Variants in RFX4 observed in about 807,000 individuals in gnomAD.
RFX4 encodes the protein regulatory factor X4.
A neutral mutation model predicts 95.0 loss-of-function variants in RFX4; 10 were observed. The observed-to-expected ratio is 0.11, with a 90% CI of 0.06 to 0.18. The LOEUF (loss-of-function observed/expected upper bound fraction) is 0.18, where lower values mean the gene tolerates loss of function less well. Among genes scored for constraint, RFX4 ranks in the 10% least tolerant of loss-of-function variants. RFX4 has a pLI of 1.00. For synonymous variants in RFX4, 321 were observed against 340.7 expected, an observed-to-expected ratio of 0.94 and a Z score of 0.64; for missense variants, 640 against 922.0, an observed-to-expected ratio of 0.69 and a Z score of 3.96.
At chr12:106,632,932 A>G (rs2040444776) in intron 2 of RFX4, among the ~76,000 whole-genome samples, 1 of 152,234 alleles carries the variant, frequency 6.6e-6, no homozygotes, top group Admixed American at 6.5e-5. Context: ...CTGATAATTT[A>G]TGGCCTCAAG....
At chr12:106,600,247 A>T (rs1467167589) in intron 1 of RFX4, among the ~76,000 whole-genome samples, 1 of 152,166 alleles carries the variant, frequency 6.6e-6, no homozygotes, top group African/African-American at 2.4e-5. Context: ...TGCTTCAAGA[A>T]CTTCGCACAT....
chr12:106,620,927 C>T (rs1343395052), intron 2 of RFX4, among the ~76,000 whole-genome samples: 4 of 152,148 alleles, frequency 2.6e-5, no homozygotes, highest in African/African-American at 9.7e-5. Flanking sequence ...ACTTGCACGT[C>T]CATTTATAGG....
intron 3 of RFX4, chr12:106,646,034 T>C: frequency 9.9e-7 from 1 of 1,007,850 alleles, no homozygotes; most frequent in African/African-American, 1.7e-5. Flanking sequence ...AAAAGTATTT[T>C]GTGCTGTGGG....
At chr12:106,598,128 A>G (rs2039647628) in intron 1 of RFX4, among the ~76,000 whole-genome samples, 1 of 152,322 alleles carries the variant, frequency 6.6e-6, no homozygotes, top group South Asian at 2.1e-4. Context: ...TCATTGCGCT[A>G]GTAAGTATTA....
chr12:106,654,727 T>A (rs2040922140), intron 4 of RFX4, among the ~76,000 whole-genome samples: 1 of 152,188 alleles, frequency 6.6e-6, no homozygotes, highest in African/African-American at 2.4e-5. Flanking sequence ...CCTGTATCCT[T>A]AGATTGGAGG....
chr12:106,704,443 A>T (rs555251834), intron 8 of RFX4, among the ~76,000 whole-genome samples: 1 of 152,336 alleles, frequency 6.6e-6, no homozygotes, highest in Admixed American at 6.5e-5. Flanking sequence ...CTGACTTTTC[A>T]GTTTTATATA....
chr12:106,648,371 C>T (rs1454002155), intron 3 of RFX4, among the ~76,000 whole-genome samples: 3 of 151,876 alleles, frequency 2.0e-5, no homozygotes, highest in Non-Finnish European at 4.4e-5. Context: ...GAAAGCAGGA[C>T]GGAAAAGGAG....
chr12:106,616,331 T>C (rs1313591746), intron 2 of RFX4, among the ~76,000 whole-genome samples: 1 of 152,204 alleles, frequency 6.6e-6, no homozygotes, highest in East Asian at 1.9e-4. Context: ...GTATTATCTT[T>C]TTTATATACT....
intron 4 of RFX4, among the ~76,000 whole-genome samples, chr12:106,672,988 C>T (rs1241042114): frequency 6.6e-6 from 1 of 152,134 alleles, no homozygotes; most frequent in Non-Finnish European, 1.5e-5. Context: ...TTGCCTTTTT[C>T]TCTCTTCGGA....
At chr12:106,658,838 C>T (rs547006673) in intron 4 of RFX4, among the ~76,000 whole-genome samples, 2 of 152,116 alleles carry the variant, frequency 1.3e-5, no homozygotes, top group Non-Finnish European at 2.9e-5. Context: ...TGCTTTGGCC[C>T]CTCGGGTAAC....
At chr12:106,658,007 C>T (rs1040084254) in intron 4 of RFX4, among the ~76,000 whole-genome samples, 34 of 152,116 alleles carry the variant, frequency 2.2e-4, no homozygotes, top group African/African-American at 7.2e-4. Context: ...ATTATATATA[C>T]GTAATGATTT....
At chr12:106,629,131 T>C (rs1190878040) in intron 2 of RFX4, among the ~76,000 whole-genome samples, 1 of 152,168 alleles carries the variant, frequency 6.6e-6, no homozygotes, top group African/African-American at 2.4e-5. Context: ...TTTCACTTAA[T>C]AATAAAAACC....
intron 1 of RFX4, among the ~76,000 whole-genome samples, chr12:106,594,421 C>T (rs2039585931): frequency 6.6e-6 from 1 of 152,122 alleles, no homozygotes; most frequent in East Asian, 1.9e-4. Flanking sequence ...TTCAGAAATG[C>T]CAGGCTTTTA....
At chr12:106,668,813 G>T (rs1212132775) in intron 4 of RFX4, among the ~76,000 whole-genome samples, 1 of 152,082 alleles carries the variant, frequency 6.6e-6, no homozygotes, top group East Asian at 1.9e-4. Context: ...TAACATGGGT[G>T]GTACAATGTG....
At chr12:106,677,831 G>C (rs1368092965) in intron 4 of RFX4, among the ~76,000 whole-genome samples, 3 of 152,116 alleles carry the variant, frequency 2.0e-5, no homozygotes, top group Non-Finnish European at 4.4e-5. Flanking sequence ...AGTAGTGGGG[G>C]TAAGGGCAGA....
At position 106,732,211 on chromosome 12, in the gene RFX4, A is replaced by G. The variant is rs1407954656; in HGVS notation, c.1433A>G (p.Asn478Ser). The change falls in exon 14 of 18, where the codon AAT becomes AGT. Residue 478 changes from asparagine to serine, a missense_variant. Asn to Ser is a conservative substitution (Grantham distance 46). Coordinates refer to ENST00000392842, the MANE Select transcript of RFX4 (RefSeq NM_213594.3). ...LESLHCQERA[N>S]ELMRAMKGEG... ...TCTCTGCACTGTCAGGAGCGGGCCA[A>G]TGAGCTCATGCGAGCCATGAAGGGA... 1.2e-6 allele frequency: 2 copies of G among 1,614,056 alleles called. No homozygotes were observed. Among genetic ancestry groups the G allele is most frequent in the Non-Finnish European group, 1.7e-6 (2 of 1,179,922 alleles).
intron 7 of RFX4, chr12:106,692,938 A>C (rs1342738469): frequency 4.9e-6 from 1 of 203,164 alleles, no homozygotes; most frequent in Non-Finnish European, 1.0e-5. Flanking sequence ...ATTTAACTTA[A>C]CACGGCCAAA....
At chr12:106,699,714 T>C (rs777772123) in intron 8 of RFX4, among the ~76,000 whole-genome samples, 10 of 152,180 alleles carry the variant, frequency 6.6e-5, no homozygotes, top group Non-Finnish European at 1.5e-4. Context: ...CCAGGTTTTT[T>C]TTAAATTAGT....
chr12:106,634,196 G>A (rs1047261486), intron 2 of RFX4, among the ~76,000 whole-genome samples: 1 of 152,148 alleles, frequency 6.6e-6, no homozygotes, highest in Non-Finnish European at 1.5e-5. Flanking sequence ...TGAATATAAA[G>A]CAACGTTATT....
Sources: gnomAD v4.1 joint callset for allele counts (sites outside exome capture counted in the v4.1 genomes callset) on GRCh38, gnomAD v4.1.1 for gene constraint, MANE v1.5 for transcripts, NCBI Gene and HGNC (gene_info 2026-07-23, HGNC 2026-07-21) for gene names.